Variants in SORCS2 observed in about 807,000 individuals in gnomAD.
SORCS2 encodes VPS10 domain-containing receptor SorCS2.
SORCS2 carries 100 observed loss-of-function variants against 141.6 expected under a neutral mutation model. The ratio of observed to expected loss-of-function variants is 0.71; its 90% CI spans 0.60 to 0.83. The LOEUF is 0.83. Among genes scored for constraint, SORCS2 ranks in the 40% least tolerant of loss-of-function variants. The pLI is 0.00. For synonymous variants in SORCS2, 789 were observed against 676.9 expected (o/e 1.17, Z -2.57); for missense variants, 1,646 against 1,560.2 (o/e 1.05, Z -0.93).
intron 1 of SORCS2, among the ~76,000 whole-genome samples, chr4:7,334,800 A>C (rs1453753094): frequency 6.6e-6 from 1 of 152,076 alleles, no homozygotes; most frequent in African/African-American, 2.4e-5. Flanking sequence ...GGCCGGCTTC[A>C]TGGAAGAGGT....
intron 2 of SORCS2, among the ~76,000 whole-genome samples, chr4:7,418,577 T>C (rs769791836): frequency 1.3e-5 from 2 of 152,056 alleles, no homozygotes; most frequent in African/African-American, 4.8e-5. Flanking sequence ...CTTATAAAAA[T>C]AGTATCATGT....
intron 5 of SORCS2, among the ~76,000 whole-genome samples, chr4:7,656,357 G>T (rs1218929102): frequency 6.6e-6 from 1 of 152,020 alleles, no homozygotes; most frequent in South Asian, 2.1e-4. Flanking sequence ...AACAGCAGCT[G>T]CCCCGCAGCC....
intron 1 of SORCS2, among the ~76,000 whole-genome samples, chr4:7,370,960 C>T (rs1408960854): frequency 6.6e-6 from 1 of 152,198 alleles, no homozygotes; most frequent in African/African-American, 2.4e-5. Flanking sequence ...GGAGCCTGCC[C>T]TGGACCCCAG....
At chr4:7,638,278 G>T in intron 3 of SORCS2, 50 bp from the exon 4 acceptor site, 1 of 1,484,644 alleles carries the variant, frequency 6.7e-7, no homozygotes, top group South Asian at 1.4e-5. Context: ...TTCTGGTGTC[G>T]GGGGAGAGGG....
chr4:7,647,190 G>A (rs531730885), intron 4 of SORCS2, among the ~76,000 whole-genome samples: 1 of 146,610 alleles, frequency 6.8e-6, no homozygotes, highest in Admixed American at 6.6e-5. Flanking sequence ...GATTGAGCTT[G>A]GGGAACCGTG....
chr4:7,699,754 G>A (rs367849120), intron 12 of SORCS2, among the ~76,000 whole-genome samples: 4 of 152,144 alleles, frequency 2.6e-5, no homozygotes, highest in African/African-American at 4.8e-5. Flanking sequence ...TCCGCCACCC[G>A]CCTGGCCATG....
In SORCS2 at chr4:7,369,311, AAAACC is replaced by A. The variant is rs1722103992; in HGVS notation, c.481-26963_481-26959del. Reference sequence around the variant, plus strand: ...GAGCAACAGAGCCAGACTCTGTCTGAAAACCAAACCAAACCAAAACACCAAAAACC... The same window carrying A: ...GAGCAACAGAGCCAGACTCTGTCTGAAAACCAAACCAAAACACCAAAAACC... On this transcript the variant is annotated intron_variant, in intron 1 of 26. Transcript: ENST00000507866. Among the ~76,000 whole-genome samples, 5 of 152,210 alleles carry A rather than the reference AAAACC, an allele frequency of 3.3e-5. No homozygotes were observed. In the South Asian group the frequency reaches 1.0e-3, roughly 32 times the overall value.
intron 2 of SORCS2, among the ~76,000 whole-genome samples, chr4:7,498,821 G>A (rs984934232): frequency 2.0e-5 from 3 of 152,236 alleles, no homozygotes; most frequent in Non-Finnish European, 4.4e-5. Context: ...CTCTGCGGGT[G>A]TCCATGGGAG....
intron 1 of SORCS2, among the ~76,000 whole-genome samples, chr4:7,334,359 C>T (rs1719854749): frequency 6.6e-6 from 1 of 152,022 alleles, no homozygotes; most frequent in East Asian, 1.9e-4. Context: ...TCCTCCCTGT[C>T]CCCCTGGTCA....
chr4:7,440,655 C>T (rs1053094822), intron 2 of SORCS2, among the ~76,000 whole-genome samples: 6 of 152,332 alleles, frequency 3.9e-5, no homozygotes, highest in Non-Finnish European at 8.8e-5. Flanking sequence ...GTCTCCCATC[C>T]CCTCTGCCTG....
intron 2 of SORCS2, among the ~76,000 whole-genome samples, chr4:7,500,967 G>A (rs1052715877): frequency 1.3e-5 from 2 of 152,208 alleles, no homozygotes; most frequent in African/African-American, 4.8e-5. Context: ...CAGGGAGCTC[G>A]GCTCAAGCCA....
intron 11 of SORCS2, among the ~76,000 whole-genome samples, chr4:7,695,240 GTGGATGGGTGGATGGTTAGA>G (rs1170574793): frequency 7.0e-6 from 1 of 141,988 alleles, no homozygotes; most frequent in Non-Finnish European, 1.5e-5. Flanking sequence ...GGATGGATGA[GTGGATGGGTGGATGGTTAGA>G]TGGATGGGTG....
chr4:7,649,410 C>T (rs1481704204), intron 4 of SORCS2, among the ~76,000 whole-genome samples: 3 of 152,102 alleles, frequency 2.0e-5, no homozygotes, highest in African/African-American at 7.2e-5. Flanking sequence ...CCACACCTCT[C>T]CTGGAAGGTC....
intron 1 of SORCS2, among the ~76,000 whole-genome samples, chr4:7,300,449 C>G (rs1477989574): frequency 1.3e-5 from 2 of 152,254 alleles, no homozygotes; most frequent in Admixed American, 6.5e-5. Flanking sequence ...CCACTCTCAC[C>G]AAGCCCTGCT....
chr4:7,502,140 A>G (rs1732012742), intron 2 of SORCS2, among the ~76,000 whole-genome samples: 2 of 152,184 alleles, frequency 1.3e-5, no homozygotes, highest in South Asian at 4.1e-4. Flanking sequence ...GTCTCATTTC[A>G]TGGCTGGGGC....
At chr4:7,401,814 C>T (rs1724612075) in intron 2 of SORCS2, among the ~76,000 whole-genome samples, 1 of 152,174 alleles carries the variant, frequency 6.6e-6, no homozygotes, top group African/African-American at 2.4e-5. Flanking sequence ...GGGGGTGGAG[C>T]TGGTCTCAGG....
chr4:7,602,163 C>T (rs1239934527), intron 3 of SORCS2, among the ~76,000 whole-genome samples: 6 of 152,278 alleles, frequency 3.9e-5, no homozygotes, highest in Non-Finnish European at 8.8e-5. Context: ...CATCATGGCC[C>T]GTTCTCAATG....
At chr4:7,728,247 C>T (rs1422425966) in intron 21 of SORCS2, 103 bp from the exon 22 acceptor site, 21 of 758,120 alleles carry the variant, frequency 2.8e-5, no homozygotes, top group Non-Finnish European at 4.6e-5. Flanking sequence ...CAAAGGCCTC[C>T]CGGGACCATC....
At chr4:7,692,698 G>C (rs1361985950) in intron 11 of SORCS2, among the ~76,000 whole-genome samples, 2 of 152,184 alleles carry the variant, frequency 1.3e-5, no homozygotes, top group Non-Finnish European at 2.9e-5. Flanking sequence ...TGGTCCAGAG[G>C]GACACAGGGT....
Sources: gnomAD v4.1 joint callset for allele counts (sites outside exome capture counted in the v4.1 genomes callset) on GRCh38, gnomAD v4.1.1 for gene constraint, MANE v1.5 for transcripts, NCBI Gene and HGNC (gene_info 2026-07-23, HGNC 2026-07-21) for gene names.